The following ABCD3 variants were observed in gnomAD, a reference collection of about 807,000 sequenced individuals.
ABCD3 encodes the protein ATP-binding cassette sub-family D member 3.
In ABCD3, 41 loss-of-function variants were observed where a neutral mutation model predicts 105.5. The observed-to-expected ratio is 0.39, with a 90% CI of 0.30 to 0.50. The LOEUF (loss-of-function observed/expected upper bound fraction) is 0.50. Ranked by LOEUF, ABCD3 falls within the 20% of genes least tolerant of loss-of-function variation. The pLI, the probability that ABCD3 is intolerant of heterozygous loss-of-function variation, is 0.84. For missense variants in ABCD3, 622 were observed against 806.3 expected (o/e 0.77, Z 2.77); for synonymous variants, 258 against 269.0 (o/e 0.96, Z 0.40).
At position 94,418,520 on chromosome 1, in the gene ABCD3, G is replaced by T. The variant is rs1659115204; in HGVS notation, c.42G>T (p.Ser14=). The T allele has an allele frequency of 1.2e-6, 2 of 1,605,572 alleles. No individual in the cohort carries two copies. Among genetic ancestry groups the T allele is most frequent in the Non-Finnish European group, 8.5e-7 (1 of 1,179,222 alleles). The change falls in exon 1 of 23, where the codon TCG becomes TCT. Residue 14 remains serine (S), a synonymous_variant. Transcript: ENST00000370214. ...AGTACTTGACGGCGCGAAACTCCTCGCTGGCTGGTGCCGCGTTCCTGCTGC... is the reference window on the plus strand; with the variant it reads ...AGTACTTGACGGCGCGAAACTCCTCTCTGGCTGGTGCCGCGTTCCTGCTGC... The part of the protein sequence containing the change: ...FSKYLTARNS[S]LAGAAFLLLC...
At chr1:94,393,292 G>A in the ABCD3 span, among the ~76,000 whole-genome samples, 226 of 152,078 alleles carry the variant, frequency 1.5e-3, no homozygotes, top group African/African-American at 3.8e-3. Context: ...AGAGAAAGAG[G>A]AGGAGAAAGG....
At chr1:94,499,408 T>C in intron 19 of ABCD3, 87 bp from the exon 20 acceptor site, 2 of 1,357,810 alleles carry the variant, frequency 1.5e-6, no homozygotes, top group South Asian at 1.2e-5. Context: ...AATAGAATTA[T>C]AGTGATTCCA....
chr1:94,429,448 G>A (rs746513276), intron 1 of ABCD3, among the ~76,000 whole-genome samples: 8 of 152,156 alleles, frequency 5.3e-5, no homozygotes, highest in Non-Finnish European at 1.0e-4. Context: ...TGTGGCAGCC[G>A]CTCCCATCAC....
At chr1:94,444,985 C>T (rs1416353156) in intron 1 of ABCD3, among the ~76,000 whole-genome samples, 3 of 152,208 alleles carry the variant, frequency 2.0e-5, no homozygotes, top group South Asian at 4.1e-4. Flanking sequence ...AAACCACAAA[C>T]AATAGCATGA....
chr1:94,472,298 C>G (rs370761072), intron 4 of ABCD3: 11 of 823,204 alleles, frequency 1.3e-5, no homozygotes, highest in Non-Finnish European at 1.6e-5. Flanking sequence ...TTGGGCAGCA[C>G]TAAAGCACTT....
In ABCD3 at chr1:94,506,661, A is replaced by G; in HGVS notation, c.1845+19A>G. 1 of 1,567,618 alleles carries G rather than the reference A, an allele frequency of 6.4e-7. No homozygotes were observed. Among genetic ancestry groups the G allele is most frequent in the African/African-American group, 1.4e-5 (1 of 74,016 alleles). Reference sequence around the variant, plus strand: ...TCGAAAGGTAAGTACGCAGGTGCTCAGTTTGAGGAGCCATGGCCTCCTACC... The same window carrying G: ...TCGAAAGGTAAGTACGCAGGTGCTCGGTTTGAGGAGCCATGGCCTCCTACC... On this transcript the variant is annotated intron_variant, in intron 21 of 22. Coordinates refer to ENST00000370214, the MANE Select transcript of ABCD3 (RefSeq NM_002858.4).
At position 94,517,896 on chromosome 1, in the gene ABCD3, C is replaced by T. The variant is rs1651003610; in HGVS notation, c.*767C>T. 1.3e-5 allele frequency: 2 copies of T among 151,986 alleles called. No homozygotes were observed. The highest frequency in any genetic ancestry group is 4.8e-5 in the African/African-American group (2 of 41,358). The allele number at this position is 151,986 out of a possible 1,614,324, so 9.4% of individuals were successfully genotyped here. A position where few individuals can be genotyped will look rare whatever the true frequency, so the allele number is the denominator to read the frequency against. ...GTCCTTAACATGCCAGGCTCAAGGT[C>T]TTATAAGAGTTCTAGATTTTTAAGA... On this transcript the variant is annotated 3_prime_UTR_variant, in exon 23 of 23. Transcript: ENST00000370214.
At chr1:94,435,636 T>C (rs1274075044) in intron 1 of ABCD3, among the ~76,000 whole-genome samples, 2 of 152,204 alleles carry the variant, frequency 1.3e-5, no homozygotes, top group Admixed American at 6.5e-5. Context: ...TGCAATATGG[T>C]GATATTTGAA....
At chr1:94,435,954 G>A (rs1404053680) in intron 1 of ABCD3, among the ~76,000 whole-genome samples, 1 of 152,144 alleles carries the variant, frequency 6.6e-6, no homozygotes, top group Non-Finnish European at 1.5e-5. Flanking sequence ...CTTTAAGCTG[G>A]CTCCTTAGTG....
intron 1 of ABCD3, among the ~76,000 whole-genome samples, chr1:94,421,413 GCTAA>G (rs1416830524): frequency 6.6e-6 from 1 of 152,064 alleles, no homozygotes; most frequent in Non-Finnish European, 1.5e-5. Flanking sequence ...GCACTGCTAA[GCTAA>G]CTTTTTCACC....
At chr1:94,509,857 G>A (rs528861661) in intron 21 of ABCD3, among the ~76,000 whole-genome samples, 5 of 152,038 alleles carry the variant, frequency 3.3e-5, no homozygotes, top group African/African-American at 1.2e-4. Context: ...ATTTTTTATT[G>A]TGTCTATTTG....
At chr1:94,427,587 T>C (rs1424415428) in intron 1 of ABCD3, among the ~76,000 whole-genome samples, 1 of 152,228 alleles carries the variant, frequency 6.6e-6, no homozygotes, top group East Asian at 1.9e-4. Flanking sequence ...ACTTGAATTA[T>C]GAAGGAGAAA....
intron 21 of ABCD3, among the ~76,000 whole-genome samples, chr1:94,511,610 C>A (rs1033165491): frequency 1.3e-5 from 2 of 152,094 alleles, no homozygotes; most frequent in African/African-American, 4.8e-5. Context: ...TCCATTCTCC[C>A]CGTCACTTTC....
chr1:94,456,140 G>A (rs1483828995), intron 1 of ABCD3, among the ~76,000 whole-genome samples: 3 of 148,354 alleles, frequency 2.0e-5, no homozygotes, highest in Non-Finnish European at 3.0e-5. Flanking sequence ...CTATGAGTTT[G>A]ACTTTTTTAG....
the ABCD3 span, chr1:94,406,330 A>ATTT: frequency 3.2e-5 from 5 of 157,510 alleles, no homozygotes; most frequent in African/African-American, 1.9e-4. Context: ...TCTTTATAGT[A>ATTT]TTTTGTTTTG....
chr1:94,483,243 A>G lies in ABCD3; in HGVS notation c.897+4A>G. ...CCACTCAGTCTTCCGAAAACTGGTA[A>G]GATAACACACTTGAGGTTCATGTGT... On this transcript the variant is annotated splice_donor_region_variant and intron_variant, in intron 10 of 22. Transcript: ENST00000370214. The G allele has an allele frequency of 6.2e-7, 1 of 1,611,210 alleles. No homozygotes were observed. The highest frequency in any genetic ancestry group is 8.5e-7 in the Non-Finnish European group (1 of 1,177,508).
intron 7 of ABCD3, among the ~76,000 whole-genome samples, chr1:94,477,223 A>C (rs1230953300): frequency 7.9e-6 from 1 of 126,706 alleles, no homozygotes; most frequent in East Asian, 2.4e-4. Context: ...GATAACTTAT[A>C]AGGCAAAAAA....
At chr1:94,458,759 C>T (rs755907263) in intron 2 of ABCD3, 116 bp downstream of exon 2, 3 of 959,070 alleles carry the variant, frequency 3.1e-6, no homozygotes, top group Non-Finnish European at 4.9e-6. Flanking sequence ...AAAAATACTC[C>T]AGTCTTCTAC....
At chr1:94,438,301 TACAC>T (rs58959540) in intron 1 of ABCD3, among the ~76,000 whole-genome samples, 17,856 of 128,106 alleles carry the variant, frequency 0.14, 1,152 homozygotes, top group East Asian at 0.2. Flanking sequence ...CACACACACA[TACAC>T]ACACACACAC....
Sources: gnomAD v4.1 joint callset for allele counts (sites outside exome capture counted in the v4.1 genomes callset) on GRCh38, gnomAD v4.1.1 for gene constraint, MANE v1.5 for transcripts, NCBI Gene and HGNC (gene_info 2026-07-23, HGNC 2026-07-21) for gene names.